Variants in P2RY8 observed in about 807,000 individuals in gnomAD.
The protein encoded by P2RY8 is P2Y receptor family member 8, also known as S-geranylgeranyl-glutathione receptor P2RY8.
P2RY8 carries 6 observed loss-of-function variants against 10.0 expected under a neutral mutation model. The observed-to-expected ratio is 0.60, with a 90% CI of 0.33 to 1.19. The LOEUF is 1.19. Among genes scored for constraint, P2RY8 ranks in the 50% most tolerant of loss-of-function variants. The pLI is 0.04. For synonymous variants in P2RY8, 276 were observed against 252.5 expected (o/e 1.09, Z -0.88); for missense variants, 456 against 542.0 (o/e 0.84, Z 1.58).
chrX:1,506,834 C>A (rs1482257721), intron 1 of P2RY8, among the ~76,000 whole-genome samples: 1 of 151,910 alleles, frequency 6.6e-6, no homozygotes, highest in East Asian at 1.9e-4. Flanking sequence ...CCCGCCACCA[C>A]GCCCGGCTAA....
intron 1 of P2RY8, among the ~76,000 whole-genome samples, chrX:1,518,298 T>C (rs2149407950): frequency 1.4e-5 from 2 of 144,784 alleles, no homozygotes; most frequent in East Asian, 2.1e-4. Context: ...TGGTGGCAGG[T>C]GCCTGCAATC....
At chrX:1,530,641 A>C (rs1382884749) in intron 1 of P2RY8, among the ~76,000 whole-genome samples, 8 of 150,502 alleles carry the variant, frequency 5.3e-5, no homozygotes, top group African/African-American at 1.9e-4. Context: ...CTATCTATCT[A>C]TCTCTCATCT....
intron 1 of P2RY8, among the ~76,000 whole-genome samples, chrX:1,512,412 T>C (rs2092304953): frequency 6.6e-6 from 1 of 151,758 alleles, no homozygotes; most frequent in African/African-American, 2.4e-5. Context: ...CCAGGCGTGG[T>C]GGTGGGTACC....
intron 1 of P2RY8, among the ~76,000 whole-genome samples, chrX:1,476,353 G>T (rs1306249205): frequency 6.6e-6 from 1 of 151,940 alleles, no homozygotes; most frequent in Non-Finnish European, 1.5e-5. Flanking sequence ...GAGGTGGGCA[G>T]ATCATGAGGT....
At chrX:1,467,485 A>G (rs1256576987) in intron 1 of P2RY8, among the ~76,000 whole-genome samples, 1 of 152,138 alleles carries the variant, frequency 6.6e-6, no homozygotes, top group African/African-American at 2.4e-5. Context: ...CCAGCCACCT[A>G]TGGCTTCAGG....
At chrX:1,529,919 T>C (rs1261359264) in intron 1 of P2RY8, among the ~76,000 whole-genome samples, 1 of 151,890 alleles carries the variant, frequency 6.6e-6, no homozygotes, top group African/African-American at 2.4e-5. Flanking sequence ...ACTGTGGGGG[T>C]GCTCCTGGCA....
Position 1,504,521 on chromosome X carries a change from G to C in P2RY8, c.-25+32400C>G, listed in dbSNP as rs531351004. Among the ~76,000 whole-genome samples the C allele has an allele frequency of 3.2e-4, 48 of 152,180 alleles. No individual in the cohort carries two copies. The South Asian group carries it at 9.7e-3, about 31-fold the overall frequency. ...TCCTGCTACCATAAGGATCCCACGT[G>C]CTGGAAACTTCCCTCTGTTGAAATG... is the stretch of plus-strand genomic sequence containing the variant. On this transcript the variant is annotated intron_variant, in intron 1 of 1. Coordinates refer to ENST00000381297, the MANE Select transcript of P2RY8 (RefSeq NM_178129.5).
chrX:1,534,414 G>T (rs2092509575), intron 1 of P2RY8, among the ~76,000 whole-genome samples: 1 of 151,988 alleles, frequency 6.6e-6, no homozygotes, highest in East Asian at 1.9e-4. Context: ...GTCCTTGGGG[G>T]TGATCCTGGG....
intron 1 of P2RY8, among the ~76,000 whole-genome samples, chrX:1,478,770 T>A (rs6644959): frequency 4.6e-5 from 7 of 151,754 alleles, no homozygotes; most frequent in Non-Finnish European, 8.8e-5. Flanking sequence ...GAGCCACTGC[T>A]CCCGGTACAG....
At chrX:1,469,777 G>GT (rs2091760123) in intron 1 of P2RY8, among the ~76,000 whole-genome samples, 1 of 151,864 alleles carries the variant, frequency 6.6e-6, no homozygotes, top group Non-Finnish European at 1.5e-5. Context: ...GCATGGTGGC[G>GT]AGTCCCAGCT....
intron 1 of P2RY8, among the ~76,000 whole-genome samples, chrX:1,534,634 AG>A (rs1276610712): frequency 9.9e-5 from 15 of 151,992 alleles, no homozygotes; most frequent in African/African-American, 3.1e-4. Context: ...GACCATGCCC[AG>A]ACACAGCCAA....
intron 1 of P2RY8, among the ~76,000 whole-genome samples, chrX:1,512,348 A>G (rs2092304280): frequency 6.6e-6 from 1 of 151,924 alleles, no homozygotes; most frequent in African/African-American, 2.4e-5. Flanking sequence ...GGCGTTTGAG[A>G]CCATCCTGGC....
chrX:1,521,034 C>CTTTTTT lies in P2RY8; in HGVS notation c.-25+15881_-25+15886dup, dbSNP rs1163534557. Among the ~76,000 whole-genome samples the CTTTTTT allele has an allele frequency of 1.0e-3, 63 of 61,068 alleles. 1 individual carries two copies. Among genetic ancestry groups the CTTTTTT allele is most frequent in the African/African-American group, 1.5e-3 (31 of 21,284 alleles). 40.1% of individuals were successfully genotyped at this position (61,068 alleles called of 152,430 possible). On this transcript the variant is annotated intron_variant, in intron 1 of 1. Transcript: ENST00000381297. ...CAATATCCTCTCTGATTTTTCTTTT[C>CTTTTTT]TTTTTTTTTTTTTTTTTTTGAGACA...
chrX:1,468,488 A>T (rs1229255508), intron 1 of P2RY8, among the ~76,000 whole-genome samples: 1 of 152,204 alleles, frequency 6.6e-6, no homozygotes, highest in Non-Finnish European at 1.5e-5. Context: ...GCGCATGACT[A>T]ATCAAGAAAT....
rs374064027 is a variant in P2RY8 at position 1,516,245 on chromosome X, C to T, written c.-25+20676G>A. ...AAAAAAACAGGAAGAGACCGCAGAG[C>T]ATCCACGTACTCCCTCCTTCTCTCC... On this transcript the variant is annotated intron_variant, in intron 1 of 1. Transcript: ENST00000381297. Among the ~76,000 whole-genome samples the T allele has an allele frequency of 2.7e-5, 4 of 149,632 alleles. No homozygotes were observed. The East Asian group carries it at 7.9e-4, about 29-fold the overall frequency.
chrX:1,487,374 T>G (rs56317851), intron 1 of P2RY8, among the ~76,000 whole-genome samples: 6,060 of 152,088 alleles, frequency 0.04, 419 homozygotes, highest in African/African-American at 0.14. Context: ...TTGCAAACGT[T>G]TTTTTGTGCA....
intron 1 of P2RY8, among the ~76,000 whole-genome samples, chrX:1,518,545 A>C (rs58901869): frequency 0.057 from 8,705 of 151,506 alleles, 520 homozygotes; most frequent in African/African-American, 0.15. Flanking sequence ...CTAGTCCCCC[A>C]AAACCTGTCT....
intron 1 of P2RY8, among the ~76,000 whole-genome samples, chrX:1,486,874 TC>T (rs1480671610): frequency 6.6e-6 from 1 of 152,150 alleles, no homozygotes; most frequent in Non-Finnish European, 1.5e-5. Flanking sequence ...GTCTCAGTGC[TC>T]CCCCGCTTGT....
At position 1,466,397 on chromosome X, in the gene P2RY8, G is replaced by A. The variant is rs1431348492; in HGVS notation, c.162C>T (p.Pro54=). 9 of 1,613,456 alleles carry A rather than the reference G, an allele frequency of 5.6e-6. No individual in the cohort carries two copies. Among genetic ancestry groups the A allele is most frequent in the Non-Finnish European group, 7.6e-6 (9 of 1,179,868 alleles). The part of the protein sequence containing the change: ...SLWVLCRRMG[P]RSPSVIFMIN... ...TCATGAAGATGACCGACGGGGATCT[G>A]GGCCCCATGCGCCGGCACAGCACCC... is the stretch of plus-strand genomic sequence containing the variant. Residue 54 remains proline (P), a synonymous_variant, in exon 2 of 2, where the codon CCC becomes CCT. Transcript: ENST00000381297.
Sources: allele counts gnomAD v4.1 joint callset (sites outside exome capture counted in the v4.1 genomes callset), GRCh38; gene constraint gnomAD v4.1.1; transcripts MANE v1.5; gene names NCBI Gene and HGNC (gene_info 2026-07-23, HGNC 2026-07-21).